Variants in WWOX observed in about 807,000 individuals in gnomAD.
The protein encoded by WWOX is WW domain-containing oxidoreductase.
WWOX carries 69 observed loss-of-function variants against 46.2 expected under a neutral mutation model. The ratio of observed to expected loss-of-function variants is 1.49; its 90% CI spans 1.23 to 1.82. The LOEUF (loss-of-function observed/expected upper bound fraction) is 1.82, where lower values mean the gene tolerates loss of function less well. WWOX is among the 40% of genes most tolerant of loss of function. The pLI, the probability that WWOX is intolerant of heterozygous loss-of-function variation, is 0.00. For missense variants in WWOX, 919 were observed against 542.6 expected (o/e 1.69, Z -6.89); for synonymous variants, 359 against 202.6 (o/e 1.77, Z -6.56).
intron 8 of WWOX, among the ~76,000 whole-genome samples, chr16:78,962,467 C>T (rs772111051): frequency 1.3e-5 from 2 of 151,940 alleles, no homozygotes; most frequent in Non-Finnish European, 2.9e-5. Flanking sequence ...GGATGACAGT[C>T]ATTTTCTAAG....
chr16:78,257,395 G>A (rs1197555357), intron 5 of WWOX, among the ~76,000 whole-genome samples: 1 of 152,128 alleles, frequency 6.6e-6, no homozygotes. Flanking sequence ...TGGATTCGGG[G>A]AATGCCATTT....
At chr16:78,740,496 G>C (rs2049193373) in intron 8 of WWOX, among the ~76,000 whole-genome samples, 1 of 152,172 alleles carries the variant, frequency 6.6e-6, no homozygotes, top group African/African-American at 2.4e-5. Context: ...GTTGCCCTCT[G>C]ACCATGAGAA....
intron 8 of WWOX, among the ~76,000 whole-genome samples, chr16:78,983,870 C>CTTTT (rs760130115): frequency 0.19 from 15,181 of 79,764 alleles, 3,366 homozygotes; most frequent in Non-Finnish European, 0.25. Flanking sequence ...GAGAGCTATT[C>CTTTT]TTTTTTTTTT....
intron 8 of WWOX, among the ~76,000 whole-genome samples, chr16:79,102,532 G>A (rs2049222698): frequency 6.6e-6 from 1 of 152,190 alleles, no homozygotes; most frequent in Admixed American, 6.5e-5. Flanking sequence ...AAAAGTTGCT[G>A]AAACCCTTCT....
At position 78,985,418 on chromosome 16, in the gene WWOX, TCAC is replaced by T. The variant is rs1485177533; in HGVS notation, c.1057-226189_1057-226187del. On this transcript the variant is annotated intron_variant, in intron 8 of 8. Transcript: ENST00000566780. The stretch of plus-strand genomic sequence containing the variant: ...CAGGGTCCCCGTGCCATGAATCACT[TCAC>T]ATCTCTGGCTAGTACAGATCTCTCC... Among the ~76,000 whole-genome samples the T allele has an allele frequency of 5.4e-3, 830 of 152,316 alleles. 14 individuals carry two copies. Among genetic ancestry groups the T allele is most frequent in the African/African-American group, 0.019 (784 of 41,568 alleles).
In WWOX at chr16:78,804,420, A is replaced by G. The variant is rs555089279; in HGVS notation, c.1056+371668A>G. 4.6e-5 allele frequency among the ~76,000 whole-genome samples: 7 copies of G among 151,658 alleles called. 1 individual carries two copies. The East Asian group carries it at 1.2e-3, about 25-fold the overall frequency. Reference sequence around the variant, plus strand: ...GAAAAAAGGCGCTCAGCCAAATTAAAAAAAAAAAAAAGAAAGAAAGAATTG... The same window carrying G: ...GAAAAAAGGCGCTCAGCCAAATTAAGAAAAAAAAAAAGAAAGAAAGAATTG... On this transcript the variant is annotated intron_variant, in intron 8 of 8. Transcript: ENST00000566780.
chr16:78,842,757 C>T (rs1292271817), intron 8 of WWOX, among the ~76,000 whole-genome samples: 2 of 132,572 alleles, frequency 1.5e-5, no homozygotes, highest in East Asian at 4.2e-4. Context: ...GAGGCTGAGG[C>T]AGTAGATTCA....
chr16:79,011,371 G>A (rs903338506), intron 8 of WWOX, among the ~76,000 whole-genome samples: 16 of 151,034 alleles, frequency 1.1e-4, no homozygotes, highest in African/African-American at 3.9e-4. Context: ...TGCCCCCTTT[G>A]GAACTTCTGT....
At chr16:78,732,721 G>A (rs775134158) in intron 8 of WWOX, among the ~76,000 whole-genome samples, 4 of 152,028 alleles carry the variant, frequency 2.6e-5, no homozygotes, top group African/African-American at 4.8e-5. Flanking sequence ...AACTCCCTTG[G>A]TTAATTTAAA....
intron 8 of WWOX, among the ~76,000 whole-genome samples, chr16:78,582,524 A>G (rs760802882): frequency 6.6e-6 from 1 of 152,156 alleles, no homozygotes; most frequent in Non-Finnish European, 1.5e-5. Flanking sequence ...ATTCGGATGC[A>G]TTTTGCACAG....
intron 8 of WWOX, among the ~76,000 whole-genome samples, chr16:78,831,148 G>C (rs183045394): frequency 1.5e-4 from 23 of 152,276 alleles, no homozygotes; most frequent in Non-Finnish European, 1.2e-4. Context: ...GCAGAGCTGA[G>C]AACCACTCAG....
chr16:78,894,571 A>T (rs1290547622), intron 8 of WWOX, among the ~76,000 whole-genome samples: 1 of 152,136 alleles, frequency 6.6e-6, no homozygotes, highest in African/African-American at 2.4e-5. Flanking sequence ...TTTCAACTGG[A>T]GATGGTTGTC....
At chr16:78,891,042 G>C (rs1420241677) in intron 8 of WWOX, 3 of 152,158 alleles carry the variant, frequency 2.0e-5, no homozygotes, top group African/African-American at 7.2e-5. Flanking sequence ...CCCTCAATAT[G>C]ATGGCTAGTC....
At chr16:78,532,704 G>T (rs989105042) in intron 8 of WWOX, among the ~76,000 whole-genome samples, 1 of 152,150 alleles carries the variant, frequency 6.6e-6, no homozygotes, top group Non-Finnish European at 1.5e-5. Flanking sequence ...ATGGCAGCAG[G>T]CAAGAAAGAA....
intron 4 of WWOX, among the ~76,000 whole-genome samples, chr16:78,119,599 T>A (rs2032987760): frequency 6.6e-6 from 1 of 151,936 alleles, no homozygotes; most frequent in Admixed American, 6.6e-5. Context: ...CGGAGTGACA[T>A]CCAGGGTTTG....
intron 8 of WWOX, among the ~76,000 whole-genome samples, chr16:78,493,035 A>G (rs371390603): frequency 2.0e-5 from 3 of 152,306 alleles, no homozygotes; most frequent in African/African-American, 7.2e-5. Context: ...CGTTTTGATG[A>G]AAACAGCATG....
At chr16:78,221,653 C>T (rs758134365) in intron 5 of WWOX, among the ~76,000 whole-genome samples, 2 of 152,132 alleles carry the variant, frequency 1.3e-5, no homozygotes, top group Non-Finnish European at 2.9e-5. Flanking sequence ...TATCTGGAAC[C>T]GAGGTTGCTA....
At chr16:78,911,073 C>G (rs570228735) in intron 8 of WWOX, among the ~76,000 whole-genome samples, 132 of 152,128 alleles carry the variant, frequency 8.7e-4, no homozygotes, top group African/African-American at 3.0e-3. Flanking sequence ...CCATGTGTGG[C>G]TCTCCCCAGG....
At chr16:78,852,122 A>G (rs1157476148) in intron 8 of WWOX, among the ~76,000 whole-genome samples, 1 of 152,080 alleles carries the variant, frequency 6.6e-6, no homozygotes, top group Admixed American at 6.6e-5. Flanking sequence ...TTTGTTGTTG[A>G]AATGTTAGAG....
Sources: gnomAD v4.1 joint callset for allele counts (sites outside exome capture counted in the v4.1 genomes callset) on GRCh38, gnomAD v4.1.1 for gene constraint, MANE v1.5 for transcripts, NCBI Gene and HGNC (gene_info 2026-07-23, HGNC 2026-07-21) for gene names.